Variants in KIAA1614 observed in about 807,000 individuals in gnomAD.
KIAA1614 encodes the protein KIAA1614, also known as uncharacterized protein KIAA1614.
KIAA1614 carries 76 observed loss-of-function variants against 88.7 expected under a neutral mutation model. That is an observed-to-expected ratio of 0.86 (90% CI 0.71 to 1.04). KIAA1614 has a LOEUF of 1.04. Among genes scored for constraint, KIAA1614 ranks in the 50% least tolerant of loss-of-function variants. The pLI is 0.00. For synonymous variants in KIAA1614, 714 were observed against 675.5 expected, an observed-to-expected ratio of 1.06 and a Z score of -0.88; for missense variants, 1,553 against 1,582.5, an observed-to-expected ratio of 0.98 and a Z score of 0.32.
intron 3 of KIAA1614, among the ~76,000 whole-genome samples, chr1:180,920,734 T>A (rs746208767): frequency 4.6e-5 from 7 of 151,766 alleles, no homozygotes; most frequent in Non-Finnish European, 7.4e-5. Flanking sequence ...GGGCTGGGGC[T>A]GGCCTGGCTT....
At chr1:180,943,028 G>GT (rs765988727) in intron 7 of KIAA1614, among the ~76,000 whole-genome samples, 1 of 14,936 alleles carries the variant, frequency 6.7e-5, no homozygotes, top group African/African-American at 1.2e-4. Context: ...AGTTTTTTGG[G>GT]TTTTTTTTTT....
intron 6 of KIAA1614, among the ~76,000 whole-genome samples, chr1:180,940,512 A>G (rs974759132): frequency 2.0e-5 from 3 of 152,072 alleles, no homozygotes; most frequent in African/African-American, 4.8e-5. Context: ...AAAAAGAAAA[A>G]AAATATACAC....
In KIAA1614 at chr1:180,927,216, T is replaced by C. The variant is rs993839974; in HGVS notation, c.1062-1214T>C. Among the ~76,000 whole-genome samples the C allele has an allele frequency of 3.3e-5, 5 of 152,126 alleles. No individual in the cohort carries two copies. In the South Asian group the frequency reaches 1.0e-3, roughly 32 times the overall value. On this transcript the variant is annotated intron_variant, in intron 3 of 8. Transcript: ENST00000367588. ...GGACCATGGTGAGGGGCTGCAGGTCTGAGATCAGGACCTGCTGGAGCCCTG... is the reference window on the plus strand; with the variant it reads ...GGACCATGGTGAGGGGCTGCAGGTCCGAGATCAGGACCTGCTGGAGCCCTG...
chr1:180,921,974 G>T (rs1254061108), intron 3 of KIAA1614, among the ~76,000 whole-genome samples: 2 of 152,240 alleles, frequency 1.3e-5, no homozygotes, highest in African/African-American at 2.4e-5. Flanking sequence ...GCAAGTGAAA[G>T]GGTGTGACAG....
At chr1:180,945,163 G>A in intron 8 of KIAA1614, 140 bp from the exon 9 acceptor site, 1 of 1,045,174 alleles carries the variant, frequency 9.6e-7, no homozygotes, top group Non-Finnish European at 1.3e-6. Context: ...GGCTCTTTTT[G>A]CTGGCTGAAG....
chr1:180,939,164 G>A (rs1654398759), intron 6 of KIAA1614, among the ~76,000 whole-genome samples: 1 of 152,194 alleles, frequency 6.6e-6, no homozygotes, highest in Non-Finnish European at 1.5e-5. Context: ...TGGCCCTCGG[G>A]ACCTCCTTGG....
intron 3 of KIAA1614, among the ~76,000 whole-genome samples, chr1:180,922,461 A>C (rs1263939825): frequency 6.6e-6 from 1 of 152,086 alleles, no homozygotes; most frequent in Non-Finnish European, 1.5e-5. Flanking sequence ...CCCGATCTTC[A>C]GGCCCCTGCT....
intron 4 of KIAA1614, among the ~76,000 whole-genome samples, chr1:180,931,932 G>T (rs1309015689): frequency 6.6e-6 from 1 of 152,018 alleles, no homozygotes. Flanking sequence ...GCCTGCATTG[G>T]GTCGGCTGGG....
At position 180,945,687 on chromosome 1, in the gene KIAA1614, G is replaced by A. The variant is rs1238519612; in HGVS notation, c.*99G>A. 7.0e-7 allele frequency: 1 copy of A among 1,435,944 alleles called. No homozygotes were observed. Among genetic ancestry groups the A allele is most frequent in the Non-Finnish European group, 9.1e-7 (1 of 1,104,310 alleles). The allele number at this position is 1,435,944 out of a possible 1,614,324, so 89.0% of individuals were successfully genotyped here. A position where few individuals can be genotyped will look rare whatever the true frequency, so the allele number is the denominator to read the frequency against. ...ATTGTCCAGGGCTCTCTAGGAGTCTGCACCTGCAGAGCCTTTGCCCTAGGC... is the reference window on the plus strand; with the variant it reads ...ATTGTCCAGGGCTCTCTAGGAGTCTACACCTGCAGAGCCTTTGCCCTAGGC... On this transcript the variant is annotated 3_prime_UTR_variant, in exon 9 of 9. Coordinates refer to ENST00000367588, the MANE Select transcript of KIAA1614 (RefSeq NM_020950.2).
intron 7 of KIAA1614, among the ~76,000 whole-genome samples, chr1:180,941,566 C>T (rs1269389488): frequency 6.6e-6 from 1 of 152,124 alleles, no homozygotes; most frequent in Non-Finnish European, 1.5e-5. Context: ...AGCCAAGTCT[C>T]GGAGAGTTGA....
chr1:180,936,456 C>G lies in KIAA1614; in HGVS notation c.2547C>G (p.Ser849Arg). 2 of 1,614,024 alleles carry G rather than the reference C, an allele frequency of 1.2e-6. No homozygotes were observed. The highest frequency in any genetic ancestry group is 1.7e-6 in the Non-Finnish European group (2 of 1,179,930). Reference sequence around the variant, plus strand: ...GTATCCCTCGGCCTCCTTCAAGAAGCGCGGTTCTCAGGACCTGTGAGCTGC... The same window carrying G: ...GTATCCCTCGGCCTCCTTCAAGAAGGGCGGTTCTCAGGACCTGTGAGCTGC... The part of the protein sequence containing the change: ...PVGIPRPPSR[S>R]AVLRTCELPP... Residue 849 changes from serine (S) to arginine (R), a missense_variant, in exon 5 of 9, where the codon AGC (serine) becomes AGG (arginine). By Grantham distance (110) the Ser-to-Arg change is moderately radical. Coordinates refer to ENST00000367588, the MANE Select transcript of KIAA1614 (RefSeq NM_020950.2).
In KIAA1614 at chr1:180,945,561, G is replaced by C. The variant is rs766597892; in HGVS notation, c.3546G>C (p.Trp1182Cys). The change falls in exon 9 of 9, where the codon TGG (tryptophan) becomes TGC (cysteine). Residue 1182 changes from tryptophan to cysteine, a missense_variant. Coordinates refer to ENST00000367588, the MANE Select transcript of KIAA1614 (RefSeq NM_020950.2). ...AACAAGGCAGGGCCTTCTGGCTGTG[G>C]TCAGAGGCTTTTCTGGTCTTTGGCT... ...LSKQGRAFWL[W>C]SEAFLVFG The C allele has an allele frequency of 6.2e-6, 10 of 1,612,820 alleles. No individual in the cohort carries two copies. In the African/African-American group the frequency reaches 1.2e-4, roughly 19 times the overall value.
In KIAA1614 at chr1:180,936,583, C is replaced by A; in HGVS notation, c.2674C>A (p.Pro892Thr). ...CAGCGCACCTCGGGGGCTGCAGGAG[C>A]CCTACGGGGGAGCCGTCCACGAGGG... ...NNSAPRGLQE[P>T]YGGAVHEGRV... Residue 892 changes from proline to threonine, a missense_variant, in exon 5 of 9, where the codon CCC (proline) becomes ACC (threonine). Pro to Thr is a conservative substitution (Grantham distance 38). Transcript: ENST00000367588. The A allele has an allele frequency of 6.2e-7, 1 of 1,612,898 alleles. No homozygotes were observed. Among genetic ancestry groups the A allele is most frequent in the Non-Finnish European group, 8.5e-7 (1 of 1,179,786 alleles).
At chr1:180,933,887 G>A (rs1654255594) in intron 4 of KIAA1614, among the ~76,000 whole-genome samples, 1 of 152,208 alleles carries the variant, frequency 6.6e-6, no homozygotes. Context: ...CATCACTGTT[G>A]CCTTGTCTGA....
chr1:180,925,858 G>A (rs186784233), intron 3 of KIAA1614, among the ~76,000 whole-genome samples: 1 of 142,764 alleles, frequency 7.0e-6, no homozygotes, highest in African/African-American at 2.5e-5. Context: ...ATCTGTGGTG[G>A]GAACTCCCCC....
At chr1:180,929,119 C>T (rs1024779763) in intron 4 of KIAA1614, among the ~76,000 whole-genome samples, 11 of 152,180 alleles carry the variant, frequency 7.2e-5, no homozygotes, top group African/African-American at 2.2e-4. Flanking sequence ...GGTGCCTCTG[C>T]AGAAGTCTGT....
chr1:180,916,869 A>T lies in KIAA1614; in HGVS notation c.766A>T (p.Ser256Cys). ...DGVVTEADLDSTSLTSEEVFV... is the reference protein window; with the variant it reads ...DGVVTEADLDCTSLTSEEVFV... The stretch of plus-strand genomic sequence containing the variant: ...CGTGGTGACAGAGGCAGATCTGGAT[A>T]GCACATCCCTGACCTCCGAGGAGGT... The change falls in exon 2 of 9, where the codon AGC (serine) becomes TGC (cysteine). Residue 256 changes from serine (S) to cysteine (C), a missense_variant. By Grantham distance (112) the Ser-to-Cys change is moderately radical (BLOSUM62 -1). Transcript: ENST00000367588. 6.2e-7 allele frequency: 1 copy of T among 1,614,260 alleles called. No individual in the cohort carries two copies. The highest frequency in any genetic ancestry group is 1.3e-5 in the African/African-American group (1 of 75,078).
At chr1:180,934,252 C>CAAAA (rs71121058) in intron 4 of KIAA1614, among the ~76,000 whole-genome samples, 6 of 101,796 alleles carry the variant, frequency 5.9e-5, no homozygotes, top group Admixed American at 2.1e-4. Flanking sequence ...AACTCCGTCT[C>CAAAA]AAAAAAAAAA....
Position 180,947,679 on chromosome 1 carries a change from A to G in KIAA1614, c.*2091A>G, listed in dbSNP as rs1189060861. On this transcript the variant is annotated 3_prime_UTR_variant, in exon 9 of 9. Coordinates refer to ENST00000367588, the MANE Select transcript of KIAA1614 (RefSeq NM_020950.2). Reference sequence around the variant, plus strand: ...GTGTGAAGGCAGAGGCAGACAACGCAGCATGTTTGTGCTCCGGCACCTCTG... The same window carrying G: ...GTGTGAAGGCAGAGGCAGACAACGCGGCATGTTTGTGCTCCGGCACCTCTG... 1 of 152,258 alleles carries G rather than the reference A, an allele frequency of 6.6e-6. No homozygotes were observed. The highest frequency in any genetic ancestry group is 1.5e-5 in the Non-Finnish European group (1 of 68,092). 9.4% of individuals were successfully genotyped at this position (152,258 alleles called of 1,614,324 possible). A position where few individuals can be genotyped will look rare whatever the true frequency, so the allele number is the denominator to read the frequency against.
Sources: gnomAD v4.1 joint callset for allele counts (sites outside exome capture counted in the v4.1 genomes callset) on GRCh38, gnomAD v4.1.1 for gene constraint, MANE v1.5 for transcripts, NCBI Gene and HGNC (gene_info 2026-07-23, HGNC 2026-07-21) for gene names.